Variants in BIN2 observed in about 807,000 individuals in gnomAD.
BIN2 encodes bridging integrator 2.
In BIN2, 43 loss-of-function variants were observed where a neutral mutation model predicts 67.9. The observed-to-expected ratio is 0.63, with a 90% CI of 0.50 to 0.82. The LOEUF (loss-of-function observed/expected upper bound fraction) is 0.82, where lower values mean the gene tolerates loss of function less well. Among genes scored for constraint, BIN2 ranks in the 40% least tolerant of loss-of-function variants. BIN2 has a pLI of 0.00. For missense variants in BIN2, 581 were observed against 671.6 expected, an observed-to-expected ratio of 0.87 and a Z score of 1.49; for synonymous variants, 244 against 246.8, an observed-to-expected ratio of 0.99 and a Z score of 0.11.
chr12:51,288,880 G>A (rs1412966487), intron 10 of BIN2, among the ~76,000 whole-genome samples: 1 of 151,918 alleles, frequency 6.6e-6, no homozygotes, highest in Non-Finnish European at 1.5e-5. Context: ...CTCCCGAGTA[G>A]CTGGGATTAC....
intron 9 of BIN2, among the ~76,000 whole-genome samples, chr12:51,295,106 T>C (rs1293456181): frequency 1.3e-5 from 2 of 152,014 alleles, no homozygotes; most frequent in African/African-American, 4.8e-5. Context: ...CTAATTTTTT[T>C]TTTCTTTTAA....
intron 1 of BIN2, among the ~76,000 whole-genome samples, chr12:51,314,305 C>G (rs1168625212): frequency 6.6e-6 from 1 of 151,888 alleles, no homozygotes; most frequent in Non-Finnish European, 1.5e-5. Context: ...GCCTTGGCCT[C>G]GCAAAGTGCT....
intron 1 of BIN2, among the ~76,000 whole-genome samples, chr12:51,318,845 A>G (rs923917078): frequency 2.0e-5 from 3 of 152,058 alleles, no homozygotes; most frequent in African/African-American, 7.2e-5. Flanking sequence ...CTCAATAGGT[A>G]CTCACTGTCA....
chr12:51,314,458 C>T (rs370197269), intron 1 of BIN2, among the ~76,000 whole-genome samples: 3 of 151,966 alleles, frequency 2.0e-5, no homozygotes, highest in Non-Finnish European at 4.4e-5. Context: ...CTAGGGGATA[C>T]GTAGTAGTGA....
chr12:51,295,576 AAATATATATAT>A (rs1945531631), intron 9 of BIN2, among the ~76,000 whole-genome samples: 1 of 18,402 alleles, frequency 5.4e-5, no homozygotes, highest in Non-Finnish European at 9.7e-5. Flanking sequence ...AAAAAAAAAA[AAATATATATAT>A]ATATATATAT....
chr12:51,323,433 G>A (rs1418038424), intron 1 of BIN2, among the ~76,000 whole-genome samples: 1 of 152,176 alleles, frequency 6.6e-6, no homozygotes, highest in Non-Finnish European at 1.5e-5. Flanking sequence ...ACCCTGGGAG[G>A]TGTACTCCCC....
At chr12:51,287,901 T>A (rs1171176879) in intron 11 of BIN2, among the ~76,000 whole-genome samples, 1 of 152,154 alleles carries the variant, frequency 6.6e-6, no homozygotes, top group Non-Finnish European at 1.5e-5. Flanking sequence ...TCCGCCCGCC[T>A]CTGCCTCCCA....
intron 8 of BIN2, among the ~76,000 whole-genome samples, chr12:51,296,886 G>C (rs2137379997): frequency 6.6e-6 from 1 of 152,336 alleles, no homozygotes; most frequent in Admixed American, 6.5e-5. Flanking sequence ...GTTGTTAAGG[G>C]AGATGAAGAG....
At chr12:51,294,383 A>G (rs1426518495) in intron 9 of BIN2, among the ~76,000 whole-genome samples, 1 of 152,214 alleles carries the variant, frequency 6.6e-6, no homozygotes, top group Non-Finnish European at 1.5e-5. Context: ...CCTGGCCAGT[A>G]TGGTGAAACC....
intron 7 of BIN2, chr12:51,297,425 G>C (rs932610306): frequency 1.7e-5 from 5 of 285,946 alleles, no homozygotes; most frequent in Non-Finnish European, 6.6e-6. Flanking sequence ...AAATTAGCCG[G>C]GCGTGGTGGC....
chr12:51,299,399 C>T, intron 6 of BIN2, 111 bp from the exon 7 acceptor site: 1 of 1,101,398 alleles, frequency 9.1e-7, no homozygotes, highest in Non-Finnish European at 1.4e-6. Context: ...AGGAGCCATC[C>T]CTCTTCTTCC....
chr12:51,313,753 GTTC>G (rs1371001613), intron 2 of BIN2, 67 bp downstream of exon 2: 21 of 1,373,852 alleles, frequency 1.5e-5, no homozygotes, highest in Non-Finnish European at 2.1e-5. Flanking sequence ...AGAACTTATT[GTTC>G]TTCTGCCACT....
intron 10 of BIN2, among the ~76,000 whole-genome samples, chr12:51,290,478 A>G (rs192170462): frequency 1.3e-5 from 2 of 152,264 alleles, no homozygotes; most frequent in East Asian, 3.9e-4. Flanking sequence ...GGAGGAAAAG[A>G]AAGAAATTAG....
At chr12:51,320,970 C>CACACACACACACACACA in intron 1 of BIN2, among the ~76,000 whole-genome samples, 1 of 151,450 alleles carries the variant, frequency 6.6e-6, no homozygotes, top group African/African-American at 2.4e-5. Context: ...CACACACACA[C>CACACACACACACACACA]TCTAAAGCCA....
Position 51,292,073 on chromosome 12 carries a change from G to C in BIN2, c.1033C>G (p.Gln345Glu), listed in dbSNP as rs1172310328. Reference sequence around the variant, plus strand: ...TCAGTGGTAGGAGAGGGCTGGGCCTGGGCGGGGCCATTGCAGGCTGGTAGA... The same window carrying C: ...TCAGTGGTAGGAGAGGGCTGGGCCTCGGCGGGGCCATTGCAGGCTGGTAGA... ...EPLPACNGPAQAQPSPTTERA... is the reference protein window; with the variant it reads ...EPLPACNGPAEAQPSPTTERA... The change falls in exon 10 of 13, where the codon CAG becomes GAG. Residue 345 changes from glutamine (Q) to glutamate (E), a missense_variant. Coordinates refer to ENST00000615107, the MANE Select transcript of BIN2 (RefSeq NM_016293.4). 3.1e-6 allele frequency: 5 copies of C among 1,614,142 alleles called. No homozygotes were observed. In the South Asian group the frequency reaches 4.4e-5, roughly 14 times the overall value.
chr12:51,317,438 C>T (rs1000246028), intron 1 of BIN2, among the ~76,000 whole-genome samples: 30 of 152,038 alleles, frequency 2.0e-4, no homozygotes, highest in African/African-American at 5.5e-4. Flanking sequence ...GAGGCCAAGG[C>T]GGGTGGATCA....
At chr12:51,295,646 A>C (rs1945546083) in intron 9 of BIN2, 150 bp downstream of exon 9, 3 of 258,790 alleles carry the variant, frequency 1.2e-5, no homozygotes, top group African/African-American at 2.3e-5. Flanking sequence ...TAAAAAGCAA[A>C]ATAATTTATA....
intron 1 of BIN2, among the ~76,000 whole-genome samples, chr12:51,321,092 G>A (rs755861943): frequency 1.3e-5 from 2 of 151,938 alleles, no homozygotes; most frequent in African/African-American, 2.4e-5. Context: ...GCTTTTCAGA[G>A]GATGCCTGAA....
intron 3 of BIN2, 29 bp from the exon 4 acceptor site, chr12:51,302,809 CAT>C: frequency 6.4e-7 from 1 of 1,563,234 alleles, no homozygotes; most frequent in Non-Finnish European, 8.8e-7. Flanking sequence ...GTCCCACCAT[CAT>C]GTTTCCCCAA....
Sources: allele counts gnomAD v4.1 joint callset (sites outside exome capture counted in the v4.1 genomes callset), GRCh38; gene constraint gnomAD v4.1.1; transcripts MANE v1.5; gene names NCBI Gene and HGNC (gene_info 2026-07-23, HGNC 2026-07-21).